PIWIL1: variants seen among roughly 807,000 people sequenced by gnomAD.
The protein encoded by PIWIL1 is piwi-like protein 1.
PIWIL1 carries 73 observed loss-of-function variants against 114.4 expected under a neutral mutation model. The observed-to-expected ratio is 0.64, with a 90% CI of 0.53 to 0.78. PIWIL1 has a LOEUF of 0.78. PIWIL1 is among the 30% of genes least tolerant of loss of function. The pLI is 0.00. For synonymous variants in PIWIL1, 375 were observed against 369.0 expected, an observed-to-expected ratio of 1.02 and a Z score of -0.19; for missense variants, 723 against 1,063.1, an observed-to-expected ratio of 0.68 and a Z score of 4.45.
At chr12:130,388,577 A>G in the PIWIL1 span, among the ~76,000 whole-genome samples, 1 of 152,232 alleles carries the variant, frequency 6.6e-6, no homozygotes, top group African/African-American at 2.4e-5. Context: ...AGGTTTTACC[A>G]TCCTCCAAAT....
intron 3 of PIWIL1, among the ~76,000 whole-genome samples, chr12:130,344,392 C>T (rs2073011217): frequency 6.6e-6 from 1 of 151,990 alleles, no homozygotes; most frequent in Admixed American, 6.6e-5. Flanking sequence ...GTAGAGCCCC[C>T]TCCAAATCAT....
intron 19 of PIWIL1, among the ~76,000 whole-genome samples, chr12:130,370,846 C>T (rs761421895): frequency 1.3e-5 from 2 of 152,258 alleles, no homozygotes; most frequent in Non-Finnish European, 2.9e-5. Context: ...TCACATGGTT[C>T]GGGGGTCGGG....
chr12:130,360,735 C>G (rs943801771), intron 14 of PIWIL1, among the ~76,000 whole-genome samples: 1 of 152,174 alleles, frequency 6.6e-6, no homozygotes, highest in Non-Finnish European at 1.5e-5. Flanking sequence ...CCAGAATTGT[C>G]CATGGACCTC....
At chr12:130,345,674 A>AT in intron 3 of PIWIL1, 79 bp from the exon 4 acceptor site, 1 of 1,472,812 alleles carries the variant, frequency 6.8e-7, no homozygotes, top group Non-Finnish European at 9.4e-7. Context: ...TGGATTACAC[A>AT]TAATAGCACT....
chr12:130,350,731 G>T (rs1039937145), intron 9 of PIWIL1, among the ~76,000 whole-genome samples: 15 of 152,142 alleles, frequency 9.9e-5, no homozygotes, highest in Admixed American at 6.5e-4. Context: ...ACTTGTCTTT[G>T]AATTGCTAAC....
At chr12:130,407,630 T>C in the PIWIL1 span, 2 of 952,260 alleles carry the variant, frequency 2.1e-6, no homozygotes, top group East Asian at 2.4e-5. Flanking sequence ...AGAGAAGGAA[T>C]GAGGAGGTGA....
the PIWIL1 span, among the ~76,000 whole-genome samples, chr12:130,409,043 A>T: frequency 6.6e-6 from 1 of 152,018 alleles, no homozygotes; most frequent in African/African-American, 2.4e-5. Flanking sequence ...TCTCAGCATT[A>T]TTCATGTTAC....
intron 18 of PIWIL1, among the ~76,000 whole-genome samples, chr12:130,364,487 T>C (rs185065496): frequency 3.3e-5 from 5 of 152,360 alleles, no homozygotes; most frequent in Admixed American, 2.0e-4. Flanking sequence ...TGACATGTGA[T>C]GCCGTGAAGG....
the PIWIL1 span, among the ~76,000 whole-genome samples, chr12:130,404,417 C>T: frequency 1.3e-5 from 2 of 152,190 alleles, no homozygotes; most frequent in Non-Finnish European, 2.9e-5. Flanking sequence ...CCTGCCTCAG[C>T]CTCCAAAGTA....
At chr12:130,367,360 C>T in intron 19 of PIWIL1, 102 bp downstream of exon 19, 1 of 1,123,456 alleles carries the variant, frequency 8.9e-7, no homozygotes, top group South Asian at 2.5e-5. Flanking sequence ...TACTTTTGTT[C>T]TTATATTTTT....
chr12:130,345,838 T>A lies in PIWIL1; in HGVS notation c.276T>A (p.Asn92Lys). 6.2e-7 allele frequency: 1 copy of A among 1,614,008 alleles called. No individual in the cohort carries two copies. The highest frequency in any genetic ancestry group is 8.5e-7 in the Non-Finnish European group (1 of 1,179,902). Reference sequence around the variant, plus strand: ...GAGATTTTCATGATCTTGGTGTGAATACAAGGCAGAACCTAGACCATGTTA... The same window carrying A: ...GAGATTTTCATGATCTTGGTGTGAAAACAAGGCAGAACCTAGACCATGTTA... ...RRRDFHDLGV[N>K]TRQNLDHVKE... is the part of the protein sequence containing the mutation. Residue 92 changes from asparagine to lysine, a missense_variant, in exon 4 of 21, where the codon AAT (asparagine) becomes AAA (lysine). This residue lies in a region of PIWIL1 where 190 missense variants were observed against 294.4 expected (regional missense o/e 0.65). Transcript: ENST00000245255.
At chr12:130,338,944 G>A (rs1001310623) in intron 1 of PIWIL1, among the ~76,000 whole-genome samples, 8 of 151,798 alleles carry the variant, frequency 5.3e-5, no homozygotes, top group African/African-American at 1.7e-4. Context: ...CGGGGGTGCG[G>A]GGGCGGAGGT....
the PIWIL1 span, chr12:130,407,629 A>C: frequency 1.1e-6 from 1 of 947,126 alleles, no homozygotes; most frequent in Middle Eastern, 2.1e-4. Context: ...GAGAGAAGGA[A>C]TGAGGAGGTG....
the PIWIL1 span, chr12:130,399,604 T>C: frequency 2.7e-6 from 4 of 1,503,926 alleles, no homozygotes; most frequent in Non-Finnish European, 3.6e-6. Context: ...TATAAAAATA[T>C]CAGTGCAAAG....
chr12:130,338,242 G>C, intron 1 of PIWIL1, 96 bp downstream of exon 1: 3 of 338,334 alleles, frequency 8.9e-6, no homozygotes, highest in Non-Finnish European at 1.7e-5. Flanking sequence ...CGAGGTGCGG[G>C]GACCGGGTTG....
At chr12:130,356,638 AAGG>A (rs2073373433) in intron 12 of PIWIL1, among the ~76,000 whole-genome samples, 1 of 152,238 alleles carries the variant, frequency 6.6e-6, no homozygotes, top group Non-Finnish European at 1.5e-5. Context: ...TTAAAAGATT[AAGG>A]AGAATGCGAC....
At chr12:130,385,118 G>C in the PIWIL1 span, among the ~76,000 whole-genome samples, 1 of 152,094 alleles carries the variant, frequency 6.6e-6, no homozygotes, top group Non-Finnish European at 1.5e-5. Context: ...TGAACTATTA[G>C]TTTTCATTTC....
In PIWIL1 at chr12:130,349,263, T is replaced by C; in HGVS notation, c.759T>C (p.Thr253=). The C allele has an allele frequency of 6.2e-7, 1 of 1,613,406 alleles. No individual in the cohort carries two copies. The highest frequency in any genetic ancestry group is 2.2e-5 in the East Asian group (1 of 44,834). ...SHRLVIWPGF[T]TSILQYENSI... The stretch of plus-strand genomic sequence containing the variant: ...GGTTGGTGATTTGGCCTGGCTTCAC[T>C]ACTTCCATCCTTCAGTATGAAAACA... Residue 253 remains threonine, a synonymous_variant, in exon 8 of 21, where the codon ACT becomes ACC. Coordinates refer to ENST00000245255, the MANE Select transcript of PIWIL1 (RefSeq NM_004764.5).
chr12:130,339,002 G>A (rs991653252), intron 1 of PIWIL1, among the ~76,000 whole-genome samples: 1 of 151,954 alleles, frequency 6.6e-6, no homozygotes, highest in African/African-American at 2.4e-5. Flanking sequence ...TGAGAGCTCT[G>A]CAGGAGGGCC....
Sources: allele counts gnomAD v4.1 joint callset (sites outside exome capture counted in the v4.1 genomes callset), GRCh38; gene constraint gnomAD v4.1.1; regional missense constraint gnomAD v4.1.1; transcripts MANE v1.5; gene names NCBI Gene and HGNC (gene_info 2026-07-23, HGNC 2026-07-21).